The following KCNIP4 variants were observed in gnomAD, a reference collection of about 807,000 sequenced individuals.
KCNIP4 encodes the protein Kv channel-interacting protein 4.
KCNIP4 carries 12 observed loss-of-function variants against 34.0 expected under a neutral mutation model. The observed-to-expected ratio is 0.35, with a 90% CI of 0.23 to 0.57. The LOEUF is 0.57. Among genes scored for constraint, KCNIP4 ranks in the 20% least tolerant of loss-of-function variants. The pLI is 0.83. For synonymous variants in KCNIP4, 124 were observed against 102.2 expected (o/e 1.21, Z -1.29); for missense variants, 238 against 311.7 (o/e 0.76, Z 1.78).
intron 2 of KCNIP4, among the ~76,000 whole-genome samples, chr4:20,871,956 T>A (rs1237938053): frequency 1.3e-5 from 2 of 152,086 alleles, no homozygotes; most frequent in African/African-American, 4.8e-5. Flanking sequence ...AAACAAAGCA[T>A]GAAAATTTAC....
chr4:21,678,305 A>ATTTTTTTTTTTT (rs59561334), intron 1 of KCNIP4, among the ~76,000 whole-genome samples: 11 of 117,580 alleles, frequency 9.4e-5, no homozygotes, highest in South Asian at 2.9e-4. Flanking sequence ...TCTTCTTTTG[A>ATTTTTTTTTTTT]TTTTTTTTTT....
intron 1 of KCNIP4, among the ~76,000 whole-genome samples, chr4:21,157,267 C>T (rs975632637): frequency 6.6e-6 from 1 of 152,004 alleles, no homozygotes; most frequent in Admixed American, 6.6e-5. Context: ...ATAATGCATG[C>T]CAGACATTGT....
chr4:20,770,537 A>C (rs924214110), intron 3 of KCNIP4, among the ~76,000 whole-genome samples: 11 of 152,242 alleles, frequency 7.2e-5, no homozygotes, highest in Admixed American at 7.2e-4. Context: ...TCAATCAGAA[A>C]GAATAAAATA....
At chr4:21,633,399 C>A (rs570941005) in intron 1 of KCNIP4, among the ~76,000 whole-genome samples, 1 of 152,204 alleles carries the variant, frequency 6.6e-6, no homozygotes, top group South Asian at 2.1e-4. Context: ...AAAGAGATTT[C>A]TGGGCCAAGC....
chr4:20,916,818 C>T lies in KCNIP4; in HGVS notation c.62-34109G>A, dbSNP rs1159682680. The stretch of plus-strand genomic sequence containing the variant: ...AATGGAGGAACATTTTTCTAATAAC[C>T]TGTGATATGATTAGCTTCTCCAAAG... On this transcript the variant is annotated intron_variant, in intron 1 of 8. Coordinates refer to ENST00000382152, the MANE Select transcript of KCNIP4 (RefSeq NM_025221.6). Among the ~76,000 whole-genome samples the T allele has an allele frequency of 2.6e-5, 4 of 151,462 alleles. No homozygotes were observed. In the South Asian group the frequency reaches 8.4e-4, roughly 32 times the overall value.
chr4:21,622,608 C>T (rs993185946), intron 1 of KCNIP4, among the ~76,000 whole-genome samples: 7 of 151,930 alleles, frequency 4.6e-5, no homozygotes, highest in African/African-American at 1.7e-4. Flanking sequence ...ATCACTGGAG[C>T]ATGACTTCTG....
Position 20,982,372 on chromosome 4 carries a change from T to G in KCNIP4, c.62-99663A>C, listed in dbSNP as rs138614073. Among the ~76,000 whole-genome samples, 948 of 152,304 alleles carry G rather than the reference T, an allele frequency of 6.2e-3. 15 individuals are homozygous for G. Among genetic ancestry groups the G allele is most frequent in the African/African-American group, 0.022 (899 of 41,570 alleles). The stretch of plus-strand genomic sequence containing the variant: ...GAAATTGAAATTGCTAGTACTGTAT[T>G]AAGACACCAGCATTTAGTGCATTGA... On this transcript the variant is annotated intron_variant, in intron 1 of 8. Coordinates refer to ENST00000382152, the MANE Select transcript of KCNIP4 (RefSeq NM_025221.6).
chr4:20,912,391 C>G (rs1728411593), intron 1 of KCNIP4, among the ~76,000 whole-genome samples: 1 of 152,058 alleles, frequency 6.6e-6, no homozygotes, highest in South Asian at 2.1e-4. Context: ...TATGTGCTTG[C>G]AATGAATAAT....
chr4:21,880,492 T>C (rs1726399777), intron 1 of KCNIP4, among the ~76,000 whole-genome samples: 1 of 152,182 alleles, frequency 6.6e-6, no homozygotes, highest in Non-Finnish European at 1.5e-5. Flanking sequence ...CAGCTAGTTA[T>C]TTTTATATTT....
At chr4:21,721,728 C>T (rs11725029) in intron 1 of KCNIP4, among the ~76,000 whole-genome samples, 13,958 of 152,156 alleles carry the variant, frequency 0.092, 677 homozygotes, top group Middle Eastern at 0.18. Context: ...AGATAATGTT[C>T]TGATACATCC....
chr4:21,891,497 G>C (rs149625012), intron 1 of KCNIP4, among the ~76,000 whole-genome samples: 14 of 152,182 alleles, frequency 9.2e-5, no homozygotes, highest in African/African-American at 2.9e-4. Context: ...TGATGAATCT[G>C]AAGTACATAT....
At chr4:21,649,858 C>A (rs990594184) in intron 1 of KCNIP4, among the ~76,000 whole-genome samples, 2 of 152,094 alleles carry the variant, frequency 1.3e-5, no homozygotes, top group African/African-American at 4.8e-5. Flanking sequence ...GATTAATGAC[C>A]TCTAAGTGTG....
chr4:21,947,849 T>C (rs1186423233), intron 1 of KCNIP4, among the ~76,000 whole-genome samples: 1 of 152,222 alleles, frequency 6.6e-6, no homozygotes, highest in Non-Finnish European at 1.5e-5. Context: ...AGACGCTTTG[T>C]GGAAGGGCAT....
At chr4:21,270,116 G>C (rs903143297) in intron 1 of KCNIP4, among the ~76,000 whole-genome samples, 1 of 152,190 alleles carries the variant, frequency 6.6e-6, no homozygotes, top group African/African-American at 2.4e-5. Flanking sequence ...CCACCGGGGA[G>C]TATCATAGGC....
chr4:21,460,883 C>A (rs1253648525), intron 1 of KCNIP4, among the ~76,000 whole-genome samples: 1 of 151,972 alleles, frequency 6.6e-6, no homozygotes, highest in Non-Finnish European at 1.5e-5. Context: ...CCTTTAGACC[C>A]CTGCTAGTCA....
intron 1 of KCNIP4, among the ~76,000 whole-genome samples, chr4:21,941,679 A>G (rs1010492904): frequency 1.3e-5 from 2 of 152,150 alleles, no homozygotes; most frequent in Non-Finnish European, 1.5e-5. Context: ...TGGGACAGGT[A>G]GAGGGAGAGA....
At chr4:21,070,171 T>C (rs1744762918) in intron 1 of KCNIP4, among the ~76,000 whole-genome samples, 1 of 152,210 alleles carries the variant, frequency 6.6e-6, no homozygotes. Flanking sequence ...ATCAATAGTT[T>C]GCTCATTTTT....
At chr4:20,852,591 C>G (rs1032231384) in intron 2 of KCNIP4, among the ~76,000 whole-genome samples, 11 of 152,166 alleles carry the variant, frequency 7.2e-5, no homozygotes, top group African/African-American at 2.7e-4. Context: ...ACTCTCACCA[C>G]TCCTCTTCAA....
intron 1 of KCNIP4, among the ~76,000 whole-genome samples, chr4:21,445,824 G>T (rs1426845154): frequency 6.6e-6 from 1 of 152,158 alleles, no homozygotes; most frequent in Non-Finnish European, 1.5e-5. Flanking sequence ...ACTACCATCA[G>T]AGTGAACAGG....
Sources: allele counts gnomAD v4.1 joint callset (sites outside exome capture counted in the v4.1 genomes callset), GRCh38; gene constraint gnomAD v4.1.1; transcripts MANE v1.5; gene names NCBI Gene and HGNC (gene_info 2026-07-23, HGNC 2026-07-21).